Variants in VAPA observed in about 807,000 individuals in gnomAD.
VAPA encodes vesicle-associated membrane protein-associated protein A.
VAPA carries 6 observed loss-of-function variants against 25.6 expected under a neutral mutation model. That is an observed-to-expected ratio of 0.23 (90% CI 0.13 to 0.46). The LOEUF is 0.46. Ranked by LOEUF, VAPA falls within the 20% of genes least tolerant of loss-of-function variation. The pLI, the probability that VAPA is intolerant of heterozygous loss-of-function variation, is 0.99. For synonymous variants in VAPA, 112 were observed against 106.2 expected (o/e 1.05, Z -0.34); for missense variants, 244 against 302.1 (o/e 0.81, Z 1.43).
At position 9,936,016 on chromosome 18, in the gene VAPA, C is replaced by A. The variant is rs541257588; in HGVS notation, c.233-94C>A. On this transcript the variant is annotated intron_variant, in intron 2 of 5. Coordinates refer to ENST00000400000, the MANE Select transcript of VAPA (RefSeq NM_194434.3). ...TTGCCAGATACGGTTTAAGGCAAATCCCAGACTTAGTATAATTTAATCTGT... is the reference window on the plus strand; with the variant it reads ...TTGCCAGATACGGTTTAAGGCAAATACCAGACTTAGTATAATTTAATCTGT... 6 of 856,398 alleles carry A rather than the reference C, an allele frequency of 7.0e-6. No individual in the cohort carries two copies. The South Asian group carries it at 1.6e-4, about 23-fold the overall frequency. 53.0% of individuals were successfully genotyped at this position (856,398 alleles called of 1,614,324 possible).
chr18:9,927,799 CTGTT>C (rs756142955), intron 1 of VAPA, among the ~76,000 whole-genome samples: 5 of 151,950 alleles, frequency 3.3e-5, no homozygotes, highest in African/African-American at 4.8e-5. Context: ...TGTTACATTT[CTGTT>C]TGATTGTAAA....
intron 2 of VAPA, among the ~76,000 whole-genome samples, chr18:9,935,823 T>C (rs957336632): frequency 3.9e-5 from 6 of 152,238 alleles, no homozygotes; most frequent in African/African-American, 1.4e-4. Context: ...TTAATTGTAA[T>C]TGTTTATTTT....
At position 9,936,966 on chromosome 18, in the gene VAPA, T is replaced by G. The variant is rs777716243; in HGVS notation, c.337-20T>G. On this transcript the variant is annotated intron_variant, in intron 3 of 5. Transcript: ENST00000400000. Reference sequence around the variant, plus strand: ...TGATCATACCTCCTATGTCTCATGTTTGGTTTTGTTTATTTTTAGTGGAAA... The same window carrying G: ...TGATCATACCTCCTATGTCTCATGTGTGGTTTTGTTTATTTTTAGTGGAAA... The G allele has an allele frequency of 6.2e-7, 1 of 1,607,574 alleles. No homozygotes were observed.
rs543518455 is a variant in VAPA, at chr18:9,958,512, G to C, written c.*4301G>C. ...AGTACCTTAACTCATGATGAGCTTA[G>C]GAACATAAAAGATAATTGTTGCTTG... On this transcript the variant is annotated 3_prime_UTR_variant, in exon 6 of 6. Coordinates refer to ENST00000400000, the MANE Select transcript of VAPA (RefSeq NM_194434.3). 2 of 151,950 alleles carry C rather than the reference G, an allele frequency of 1.3e-5. No individual in the cohort carries two copies. Among genetic ancestry groups the C allele is most frequent in the African/African-American group, 4.8e-5 (2 of 41,482 alleles). 9.4% of individuals were successfully genotyped at this position (151,950 alleles called of 1,614,324 possible). A position where few individuals can be genotyped will look rare whatever the true frequency, so the allele number is the denominator to read the frequency against.
At chr18:9,920,863 T>C (rs1228405259) in intron 1 of VAPA, among the ~76,000 whole-genome samples, 1 of 152,228 alleles carries the variant, frequency 6.6e-6, no homozygotes, top group Admixed American at 6.5e-5. Flanking sequence ...CTTAGAATAT[T>C]GTCCTCCCTC....
intron 4 of VAPA, among the ~76,000 whole-genome samples, chr18:9,946,993 A>C (rs1052239655): frequency 1.3e-5 from 2 of 152,186 alleles, no homozygotes; most frequent in African/African-American, 4.8e-5. Context: ...CACACACATT[A>C]GTCTAGGCCT....
At chr18:9,925,463 T>C (rs949093255) in intron 1 of VAPA, among the ~76,000 whole-genome samples, 4 of 152,072 alleles carry the variant, frequency 2.6e-5, no homozygotes, top group Non-Finnish European at 4.4e-5. Flanking sequence ...TTTTTAAAAA[T>C]AGAACTAAGA....
chr18:9,927,613 A>G (rs1018058356), intron 1 of VAPA, among the ~76,000 whole-genome samples: 1 of 152,064 alleles, frequency 6.6e-6, no homozygotes, highest in African/African-American at 2.4e-5. Context: ...GGACTGACTA[A>G]AAAGGGTATT....
At chr18:9,944,038 T>C (rs750040528) in intron 4 of VAPA, among the ~76,000 whole-genome samples, 40 of 151,876 alleles carry the variant, frequency 2.6e-4, no homozygotes, top group Non-Finnish European at 7.4e-5. Flanking sequence ...ATTTTTTGTA[T>C]TTTTAGTAGA....
At chr18:9,926,820 CTATT>C (rs1180921259) in intron 1 of VAPA, among the ~76,000 whole-genome samples, 1 of 152,088 alleles carries the variant, frequency 6.6e-6, no homozygotes, top group African/African-American at 2.4e-5. Flanking sequence ...AGACAGTTCA[CTATT>C]TAATACATTC....
In VAPA at chr18:9,954,282, A is replaced by AT; in HGVS notation, c.*74dup. 7.0e-7 allele frequency: 1 copy of AT among 1,420,068 alleles called. No homozygotes were observed. Among genetic ancestry groups the AT allele is most frequent in the East Asian group, 2.3e-5 (1 of 43,876 alleles). The allele number at this position is 1,420,068 out of a possible 1,614,324, so 88.0% of individuals were successfully genotyped here. A position where few individuals can be genotyped will look rare whatever the true frequency, so the allele number is the denominator to read the frequency against. On this transcript the variant is annotated 3_prime_UTR_variant, in exon 6 of 6. Coordinates refer to ENST00000400000, the MANE Select transcript of VAPA (RefSeq NM_194434.3). ...CCAGAAAAAGATTTGTTTACCTACCATTTCATTGGTAGTATGGCCCACGGT... is the reference window on the plus strand; with the variant it reads ...CCAGAAAAAGATTTGTTTACCTACCATTTTCATTGGTAGTATGGCCCACGGT...
chr18:9,928,831 AC>A (rs2069225048), intron 1 of VAPA, among the ~76,000 whole-genome samples: 1 of 152,230 alleles, frequency 6.6e-6, no homozygotes, highest in South Asian at 2.1e-4. Flanking sequence ...GTTTGTAGGT[AC>A]AGTAGTCAGA....
At position 9,957,060 on chromosome 18, in the gene VAPA, C is replaced by G. The variant is rs1027456336; in HGVS notation, c.*2849C>G. ...TTTCTTTTTTTTTTTGAGACAGAGTCTTGCTTTGTTGCCCAGGCTGGAGGG... is the reference window on the plus strand; with the variant it reads ...TTTCTTTTTTTTTTTGAGACAGAGTGTTGCTTTGTTGCCCAGGCTGGAGGG... On this transcript the variant is annotated 3_prime_UTR_variant, in exon 6 of 6. Transcript: ENST00000400000. 1 of 151,124 alleles carries G rather than the reference C, an allele frequency of 6.6e-6. No homozygotes were observed. The highest frequency in any genetic ancestry group is 1.5e-5 in the Non-Finnish European group (1 of 67,880). 9.4% of individuals were successfully genotyped at this position (151,124 alleles called of 1,614,324 possible). A position where few individuals can be genotyped will look rare whatever the true frequency, so the allele number is the denominator to read the frequency against.
chr18:9,952,040 G>A (rs2069495366), intron 5 of VAPA, among the ~76,000 whole-genome samples: 1 of 152,178 alleles, frequency 6.6e-6, no homozygotes, highest in Admixed American at 6.5e-5. Context: ...CTTTGATAAA[G>A]ATGTGCTCCT....
At chr18:9,944,139 G>A (rs572566009) in intron 4 of VAPA, among the ~76,000 whole-genome samples, 73 of 151,848 alleles carry the variant, frequency 4.8e-4, no homozygotes, top group African/African-American at 1.7e-3. Context: ...GTGAGCCACC[G>A]CGCCTGACCT....
intron 2 of VAPA, among the ~76,000 whole-genome samples, chr18:9,935,127 A>T (rs2069295761): frequency 1.3e-5 from 2 of 151,408 alleles, no homozygotes; most frequent in Admixed American, 6.6e-5. Flanking sequence ...AAAAATTTTG[A>T]ATGTTATTGA....
At chr18:9,917,166 A>C (rs1260682304) in intron 1 of VAPA, among the ~76,000 whole-genome samples, 1 of 152,242 alleles carries the variant, frequency 6.6e-6, no homozygotes, top group African/African-American at 2.4e-5. Context: ...AAACCTTGGA[A>C]GTAATTTTAC....
At chr18:9,941,216 C>T (rs914116485) in intron 4 of VAPA, among the ~76,000 whole-genome samples, 6 of 151,878 alleles carry the variant, frequency 4.0e-5, no homozygotes, top group Non-Finnish European at 5.9e-5. Context: ...CCTAAACTCA[C>T]TGTTGTAGTA....
chr18:9,914,109 C>G lies in VAPA; in HGVS notation c.-148C>G. On this transcript the variant is annotated 5_prime_UTR_variant, in exon 1 of 6. Coordinates refer to ENST00000400000, the MANE Select transcript of VAPA (RefSeq NM_194434.3). ...CTGACCCAGCGGGTGGCCCACCGAA[C>G]CGGTGACACAGCGGCAGGCGTTAGG... 1 of 607,752 alleles carries G rather than the reference C, an allele frequency of 1.6e-6. No homozygotes were observed. Among genetic ancestry groups the G allele is most frequent in the Non-Finnish European group, 2.7e-6 (1 of 367,150 alleles). 37.6% of individuals were successfully genotyped at this position (607,752 alleles called of 1,614,324 possible). A position where few individuals can be genotyped will look rare whatever the true frequency, so the allele number is the denominator to read the frequency against.
Sources: allele counts gnomAD v4.1 joint callset (sites outside exome capture counted in the v4.1 genomes callset), GRCh38; gene constraint gnomAD v4.1.1; transcripts MANE v1.5; gene names NCBI Gene and HGNC (gene_info 2026-07-23, HGNC 2026-07-21).